EPHA6: variants seen among roughly 807,000 people sequenced by gnomAD.
EPHA6 encodes ephrin type-A receptor 6.
Under a neutral mutation model 112.0 loss-of-function variants are expected in EPHA6, and 50 were observed. The observed-to-expected ratio is 0.45, with a 90% CI of 0.36 to 0.56. EPHA6 has a LOEUF of 0.56. Among genes scored for constraint, EPHA6 ranks in the 20% least tolerant of loss-of-function variants. The pLI is 0.00. For synonymous variants in EPHA6, 529 were observed against 490.7 expected, an observed-to-expected ratio of 1.08 and a Z score of -1.03; for missense variants, 1,280 against 1,417.4, an observed-to-expected ratio of 0.90 and a Z score of 1.56.
chr3:97,419,903 C>T (rs997856798), intron 6 of EPHA6, among the ~76,000 whole-genome samples: 3 of 151,700 alleles, frequency 2.0e-5, no homozygotes, highest in South Asian at 2.1e-4. Context: ...ACTGGGAAGC[C>T]GCTAGAAATC....
intron 10 of EPHA6, among the ~76,000 whole-genome samples, chr3:97,510,775 A>G (rs924238589): frequency 6.6e-6 from 1 of 152,222 alleles, no homozygotes; most frequent in Non-Finnish European, 1.5e-5. Context: ...AGTCTGCTGA[A>G]GCTGCACCCA....
At chr3:96,855,339 A>G (rs1188980382) in intron 1 of EPHA6, among the ~76,000 whole-genome samples, 1 of 152,190 alleles carries the variant, frequency 6.6e-6, no homozygotes, top group Admixed American at 6.5e-5. Flanking sequence ...GGATCAGGAT[A>G]TGGACAACCT....
chr3:97,606,617 G>A (rs560602565), intron 12 of EPHA6, among the ~76,000 whole-genome samples: 7 of 151,426 alleles, frequency 4.6e-5, no homozygotes, highest in Middle Eastern at 3.4e-3. Context: ...TGTTTTGAAC[G>A]TGATCTGATA....
intron 1 of EPHA6, among the ~76,000 whole-genome samples, chr3:96,819,027 G>C (rs1345131804): frequency 2.0e-5 from 3 of 151,942 alleles, no homozygotes; most frequent in Non-Finnish European, 4.4e-5. Context: ...AGTTCCAGCA[G>C]TGATCATCTA....
intron 1 of EPHA6, among the ~76,000 whole-genome samples, chr3:96,816,530 T>C (rs1427326488): frequency 1.3e-5 from 2 of 152,130 alleles, no homozygotes; most frequent in Non-Finnish European, 2.9e-5. Context: ...GACAAAACAA[T>C]TTTTAATAAT....
chr3:97,491,463 G>A (rs552860166), intron 10 of EPHA6, among the ~76,000 whole-genome samples: 6 of 152,104 alleles, frequency 3.9e-5, no homozygotes, highest in Admixed American at 2.6e-4. Context: ...ACAGTCGGGG[G>A]GTCAGATGAT....
At chr3:96,907,095 A>G (rs1260556149) in intron 2 of EPHA6, among the ~76,000 whole-genome samples, 1 of 151,828 alleles carries the variant, frequency 6.6e-6, no homozygotes. Flanking sequence ...GGAACGTTAT[A>G]ATGAAAGGAT....
At chr3:97,214,038 T>TGTGTGTGTGTGAGAGAGA (rs1491420279) in intron 3 of EPHA6, among the ~76,000 whole-genome samples, 87 of 77,826 alleles carry the variant, frequency 1.1e-3, no homozygotes, top group Middle Eastern at 6.4e-3. Context: ...TGTGTGTGTG[T>TGTGTGTGTGTGAGAGAGA]GAGAGAGAGA....
intron 3 of EPHA6, among the ~76,000 whole-genome samples, chr3:97,167,032 C>T (rs1163119054): frequency 2.6e-5 from 4 of 152,108 alleles, no homozygotes; most frequent in Non-Finnish European, 4.4e-5. Context: ...TATTGGCAGA[C>T]ATTAATGTGA....
chr3:96,890,023 A>G (rs987951540), intron 2 of EPHA6, among the ~76,000 whole-genome samples: 6 of 152,112 alleles, frequency 3.9e-5, no homozygotes, highest in African/African-American at 1.4e-4. Flanking sequence ...GTCAATGCCA[A>G]ATGAACTAGA....
chr3:96,873,469 G>A (rs745477820), intron 2 of EPHA6, among the ~76,000 whole-genome samples: 1 of 152,058 alleles, frequency 6.6e-6, no homozygotes, highest in East Asian at 1.9e-4. Context: ...CAAACATTAT[G>A]TAATGGGTTG....
rs577159820 is a variant in EPHA6 at position 96,853,318 on chromosome 3, G to A, written c.386-13507G>A. 4.6e-5 allele frequency among the ~76,000 whole-genome samples: 7 copies of A among 152,162 alleles called. No individual in the cohort carries two copies. In the East Asian group the frequency reaches 7.7e-4, roughly 17 times the overall value. Reference sequence around the variant, plus strand: ...AAATAGGAGGTCTGTAGAAGGTATCGTTCTAGCCACTTCAAGATGGAAGTG... The same window carrying A: ...AAATAGGAGGTCTGTAGAAGGTATCATTCTAGCCACTTCAAGATGGAAGTG... On this transcript the variant is annotated intron_variant, in intron 1 of 17. Coordinates refer to ENST00000389672, the MANE Select transcript of EPHA6 (RefSeq NM_001080448.3).
At chr3:97,242,739 C>T (rs2078883196) in intron 4 of EPHA6, among the ~76,000 whole-genome samples, 1 of 151,672 alleles carries the variant, frequency 6.6e-6, no homozygotes, top group Admixed American at 6.6e-5. Context: ...GGAGCGAATG[C>T]TAGGGAGACA....
intron 3 of EPHA6, among the ~76,000 whole-genome samples, chr3:97,166,310 T>A (rs970087159): frequency 6.6e-6 from 1 of 152,016 alleles, no homozygotes; most frequent in African/African-American, 2.4e-5. Context: ...TAACAAAACA[T>A]TTATGCTTTC....
chr3:97,714,251 G>A (rs1263194989), intron 14 of EPHA6, among the ~76,000 whole-genome samples: 2 of 152,196 alleles, frequency 1.3e-5, no homozygotes, highest in East Asian at 3.9e-4. Flanking sequence ...TGTACACTGG[G>A]TGCTGGCTGC....
At chr3:97,458,449 CTAAA>C (rs371147978) in intron 7 of EPHA6, among the ~76,000 whole-genome samples, 37 of 152,164 alleles carry the variant, frequency 2.4e-4, no homozygotes, top group Admixed American at 3.3e-4. Context: ...AGTGAGCAGA[CTAAA>C]TAACTTTGTC....
chr3:97,259,935 A>C (rs779849691), intron 5 of EPHA6, among the ~76,000 whole-genome samples: 22 of 151,622 alleles, frequency 1.5e-4, no homozygotes, highest in Non-Finnish European at 2.9e-4. Context: ...TCAGTAGCTG[A>C]GATTACAGGC....
At chr3:97,743,825 A>G (rs557718340) in intron 16 of EPHA6, among the ~76,000 whole-genome samples, 1 of 152,134 alleles carries the variant, frequency 6.6e-6, no homozygotes, top group East Asian at 1.9e-4. Flanking sequence ...TAGTATGTCT[A>G]TTACTATTAT....
intron 3 of EPHA6, among the ~76,000 whole-genome samples, chr3:97,150,813 A>G (rs545782669): frequency 1.3e-5 from 2 of 151,930 alleles, no homozygotes; most frequent in South Asian, 2.1e-4. Flanking sequence ...TCTAATTTCT[A>G]ATCTCTTTAA....
Sources: gnomAD v4.1 joint callset for allele counts (sites outside exome capture counted in the v4.1 genomes callset) on GRCh38, gnomAD v4.1.1 for gene constraint, MANE v1.5 for transcripts, NCBI Gene and HGNC (gene_info 2026-07-23, HGNC 2026-07-21) for gene names.